GRHL1: variants seen among roughly 807,000 people sequenced by gnomAD.
GRHL1 encodes the protein grainyhead-like protein 1 homolog.
Under a neutral mutation model 75.7 loss-of-function variants are expected in GRHL1, and 38 were observed. The ratio of observed to expected loss-of-function variants is 0.50; its 90% CI spans 0.39 to 0.66. The LOEUF (loss-of-function observed/expected upper bound fraction) is 0.66, where lower values mean the gene tolerates loss of function less well. Among genes scored for constraint, GRHL1 ranks in the 30% least tolerant of loss-of-function variants. The pLI is 0.00. For missense variants in GRHL1, 589 were observed against 767.5 expected (o/e 0.77, Z 2.75); for synonymous variants, 266 against 279.4 (o/e 0.95, Z 0.48).
chr2:10,000,543 C>A, intron 15 of GRHL1, 50 bp from the exon 16 acceptor site: 1 of 1,055,354 alleles, frequency 9.5e-7, no homozygotes, highest in Non-Finnish European at 1.5e-6. Context: ...AGGTCTGACT[C>A]CAGGACCAAG....
At chr2:9,971,123 C>T (rs900144287) in intron 8 of GRHL1, among the ~76,000 whole-genome samples, 4 of 152,132 alleles carry the variant, frequency 2.6e-5, no homozygotes, top group African/African-American at 9.6e-5. Context: ...GTTGTTTTGT[C>T]TAAGCATAAT....
chr2:9,995,908 CAGA>C lies in GRHL1; in HGVS notation c.1533_1535del (p.Glu511del). On this transcript the variant is annotated inframe_deletion, in exon 13 of 16. Transcript: ENST00000324907. ...GTCTTGAAAAGGGGGCCGTACGGCA[CAGA>C]AGATGACTTTGCTGTCCCTCCTTCT... 1 of 1,612,798 alleles carries C rather than the reference CAGA, an allele frequency of 6.2e-7. No individual in the cohort carries two copies. The highest frequency in any genetic ancestry group is 8.5e-7 in the Non-Finnish European group (1 of 1,178,730).
intron 2 of GRHL1, among the ~76,000 whole-genome samples, chr2:9,956,854 G>C (rs1377515666): frequency 1.7e-4 from 26 of 152,148 alleles, no homozygotes; most frequent in Non-Finnish European, 7.3e-5. Flanking sequence ...TGCCAGAAAG[G>C]CCCGTGTGAT....
At chr2:9,956,999 C>CTTTT (rs200612011) in intron 2 of GRHL1, among the ~76,000 whole-genome samples, 1 of 135,936 alleles carries the variant, frequency 7.4e-6, no homozygotes, top group African/African-American at 2.9e-5. Context: ...TCTTCTTCTT[C>CTTTT]TTCTTTTTTT....
chr2:10,002,129 C>G lies in GRHL1; in HGVS notation c.*1422C>G, dbSNP rs1669291509. The stretch of plus-strand genomic sequence containing the variant: ...CTAATGAAGTATGGGAACTAAATTG[C>G]TGGTTTTCTAAGATAAGATATGGGA... On this transcript the variant is annotated 3_prime_UTR_variant, in exon 16 of 16. Coordinates refer to ENST00000324907, the MANE Select transcript of GRHL1 (RefSeq NM_198182.3). The G allele has an allele frequency of 6.6e-6, 1 of 152,524 alleles. No homozygotes were observed. The highest frequency in any genetic ancestry group is 1.5e-5 in the Non-Finnish European group (1 of 68,032). 9.4% of individuals were successfully genotyped at this position (152,524 alleles called of 1,614,324 possible). A position where few individuals can be genotyped will look rare whatever the true frequency, so the allele number is the denominator to read the frequency against.
chr2:9,992,294 A>T lies in GRHL1; in HGVS notation c.1461+148A>T, dbSNP rs997143613. ...CTTTGGAATATTCTGCTGGGGTGAC[A>T]TGATGCCCGTGCAATAAAAATGGTA... On this transcript the variant is annotated intron_variant, in intron 11 of 15. Coordinates refer to ENST00000324907, the MANE Select transcript of GRHL1 (RefSeq NM_198182.3). This position sits in a 1 kb window ranked among gnomAD's most constrained non-coding sequence, Gnocchi z 4.6. The T allele has an allele frequency of 1.5e-6, 1 of 668,318 alleles. No homozygotes were observed. Among genetic ancestry groups the T allele is most frequent in the Non-Finnish European group, 2.5e-6 (1 of 397,096 alleles). The allele number at this position is 668,318 out of a possible 1,614,324, so 41.4% of individuals were successfully genotyped here.
At chr2:9,998,606 A>G (rs540313326) in intron 14 of GRHL1, among the ~76,000 whole-genome samples, 1 of 49,438 alleles carries the variant, frequency 2.0e-5, no homozygotes, top group Non-Finnish European at 3.4e-5. Flanking sequence ...ACACATATAT[A>G]TATACATATA....
At chr2:9,955,308 G>A (rs529357982) in intron 2 of GRHL1, among the ~76,000 whole-genome samples, 1 of 152,342 alleles carries the variant, frequency 6.6e-6, no homozygotes, top group East Asian at 1.9e-4. Context: ...AACATGCAAA[G>A]CGGTCAGCTG....
intron 1 of GRHL1, among the ~76,000 whole-genome samples, chr2:9,954,293 C>G (rs1319411812): frequency 6.6e-6 from 1 of 152,090 alleles, no homozygotes; most frequent in Non-Finnish European, 1.5e-5. Context: ...GAAAATTATG[C>G]CTCTTTATTG....
Position 10,002,243 on chromosome 2 carries a change from C to G in GRHL1, c.*1536C>G, listed in dbSNP as rs1181966255. 1 of 152,544 alleles carries G rather than the reference C, an allele frequency of 6.6e-6. No homozygotes were observed. The highest frequency in any genetic ancestry group is 2.4e-5 in the African/African-American group (1 of 41,412). The allele number at this position is 152,544 out of a possible 1,614,324, so 9.4% of individuals were successfully genotyped here. On this transcript the variant is annotated 3_prime_UTR_variant, in exon 16 of 16. Transcript: ENST00000324907. The stretch of plus-strand genomic sequence containing the variant: ...TGTATCATTGAAGATGTATTTTAAA[C>G]CAAAGGAATTAAATTTTATATGTCT...
rs1436284515 is a variant in GRHL1 at position 9,968,423 on chromosome 2, A to C, written c.1110+3042A>C. Among the ~76,000 whole-genome samples, 1 of 152,118 alleles carries C rather than the reference A, an allele frequency of 6.6e-6. No homozygotes were observed. Among genetic ancestry groups the C allele is most frequent in the Non-Finnish European group, 1.5e-5 (1 of 68,022 alleles). ...TGTGTAGACGTATTTCATTCCTTTTATTGTCCTTCCACAAAATTAGATTTG... is the reference window on the plus strand; with the variant it reads ...TGTGTAGACGTATTTCATTCCTTTTCTTGTCCTTCCACAAAATTAGATTTG... On this transcript the variant is annotated intron_variant, in intron 8 of 15. Coordinates refer to ENST00000324907, the MANE Select transcript of GRHL1 (RefSeq NM_198182.3). This position sits in a 1 kb window ranked among gnomAD's most constrained non-coding sequence, Gnocchi z 4.7.
chr2:9,998,645 CATATACATATACATATATATGTACACAT>C lies in GRHL1; in HGVS notation c.1678-314_1678-287del, dbSNP rs1669055458. Reference sequence around the variant, plus strand: ...GTACACATATACATATATATGTACACATATACATATACATATATATGTACACATATATATACATATATATGTACACACA... The same window carrying C: ...GTACACATATACATATATATGTACACATATATACATATATATGTACACACA... On this transcript the variant is annotated intron_variant, in intron 14 of 15. Coordinates refer to ENST00000324907, the MANE Select transcript of GRHL1 (RefSeq NM_198182.3). 4.3e-5 allele frequency among the ~76,000 whole-genome samples: 2 copies of C among 46,630 alleles called. 1 individual carries two copies. Among genetic ancestry groups the C allele is most frequent in the African/African-American group, 3.0e-4 (2 of 6,626 alleles). 30.6% of individuals were successfully genotyped at this position (46,630 alleles called of 152,430 possible).
chr2:9,984,929 G>A (rs922049695), intron 8 of GRHL1, among the ~76,000 whole-genome samples: 11 of 151,814 alleles, frequency 7.2e-5, no homozygotes, highest in South Asian at 2.1e-4. Context: ...TTACCTGGGC[G>A]TGGTGGCGCA....
intron 15 of GRHL1, 88 bp from the exon 16 acceptor site, chr2:10,000,505 G>T: frequency 1.4e-6 from 1 of 702,266 alleles, no homozygotes; most frequent in Non-Finnish European, 2.6e-6. Context: ...GCTGCAACTA[G>T]TAAGTGGGAG....
chr2:9,985,713 G>A (rs1183708362), intron 8 of GRHL1, among the ~76,000 whole-genome samples: 1 of 152,224 alleles, frequency 6.6e-6, no homozygotes, highest in Non-Finnish European at 1.5e-5. Flanking sequence ...ATCCTAAGAG[G>A]TGGTGTCAAC....
chr2:9,963,847 G>T, intron 5 of GRHL1, 39 bp from the exon 6 acceptor site: 1 of 1,475,570 alleles, frequency 6.8e-7, no homozygotes, highest in South Asian at 1.2e-5. Flanking sequence ...GCTTCCACGA[G>T]AGTAGATTTA....
chr2:9,967,679 C>T (rs116829492), intron 8 of GRHL1, among the ~76,000 whole-genome samples: 1,579 of 152,206 alleles, frequency 0.01, 24 homozygotes, highest in Middle Eastern at 0.061. Flanking sequence ...AATTAAGTAT[C>T]GAGGTTTTTT....
chr2:9,963,837 G>A, intron 5 of GRHL1, 49 bp from the exon 6 acceptor site: 2 of 1,346,984 alleles, frequency 1.5e-6, no homozygotes, highest in Non-Finnish European at 1.0e-6. Flanking sequence ...TGTATAGCAA[G>A]CTTCCACGAG....
chr2:9,984,970 A>G (rs1056356389), intron 8 of GRHL1, among the ~76,000 whole-genome samples: 3 of 151,306 alleles, frequency 2.0e-5, no homozygotes, highest in Non-Finnish European at 2.9e-5. Context: ...TGGAAGGCTG[A>G]GGTGGGAGCA....
Sources: gnomAD v4.1 joint callset for allele counts (sites outside exome capture counted in the v4.1 genomes callset) on GRCh38, gnomAD v4.1.1 for gene constraint, Gnocchi (gnomAD v3.1) non-coding constraint, MANE v1.5 for transcripts, NCBI Gene and HGNC (gene_info 2026-07-23, HGNC 2026-07-21) for gene names.